Variants in IBTK observed in about 807,000 individuals in gnomAD.
IBTK encodes the protein inhibitor of Bruton tyrosine kinase.
In IBTK, 83 loss-of-function variants were observed where a neutral mutation model predicts 154.9. That is an observed-to-expected ratio of 0.54 (90% CI 0.45 to 0.64). IBTK has a LOEUF of 0.64. Ranked by LOEUF, IBTK falls within the 30% of genes least tolerant of loss-of-function variation. The pLI is 0.00. For synonymous variants in IBTK, 515 were observed against 536.1 expected (o/e 0.96, Z 0.54); for missense variants, 1,332 against 1,584.6 (o/e 0.84, Z 2.71).
At chr6:82,205,976 CTAAG>C (rs775878443) in intron 16 of IBTK, 4 of 152,006 alleles carry the variant, frequency 2.6e-5, no homozygotes, top group Non-Finnish European at 4.4e-5. Flanking sequence ...GAATGACAGA[CTAAG>C]AGCTTCTAAT....
At chr6:82,201,363 AATATACTGCT>A in intron 19 of IBTK, 49 bp downstream of exon 19, 1 of 1,210,298 alleles carries the variant, frequency 8.3e-7, no homozygotes, top group Non-Finnish European at 1.2e-6. Flanking sequence ...AGTCTGATCT[AATATACTGCT>A]TAAGCTGGTA....
intron 26 of IBTK, among the ~76,000 whole-genome samples, chr6:82,180,003 T>TAGGCAGGGGCTAATTTGTTCACC (rs1768258487): frequency 7.0e-6 from 1 of 143,334 alleles, no homozygotes; most frequent in Non-Finnish European, 1.5e-5. Flanking sequence ...GATAGTTCTA[T>TAGGCAGGGGCTAATTTGTTCACC]ATAGGCAGGG....
At chr6:82,205,676 G>A (rs932124698) in intron 16 of IBTK, 14 of 152,312 alleles carry the variant, frequency 9.2e-5, no homozygotes, top group African/African-American at 3.1e-4. Flanking sequence ...TGAGGCACGA[G>A]AATTGCTTGA....
intron 22 of IBTK, 41 bp downstream of exon 22, chr6:82,196,257 T>C (rs779474996): frequency 6.9e-7 from 1 of 1,459,488 alleles, no homozygotes; most frequent in Non-Finnish European, 9.2e-7. Flanking sequence ...TCTATAAATC[T>C]AAAATCTGAA....
chr6:82,241,970 C>T (rs1325135364), intron 1 of IBTK, among the ~76,000 whole-genome samples: 1 of 152,226 alleles, frequency 6.6e-6, no homozygotes, highest in Non-Finnish European at 1.5e-5. Flanking sequence ...TGAGATCTAA[C>T]TAGTTTTCTG....
intron 25 of IBTK, among the ~76,000 whole-genome samples, chr6:82,187,360 G>A (rs1028457503): frequency 1.3e-5 from 2 of 152,002 alleles, no homozygotes; most frequent in Admixed American, 1.3e-4. Flanking sequence ...CTTCAATGTG[G>A]CACTCTAAGC....
intron 16 of IBTK, chr6:82,205,825 CCT>C (rs2127810160): frequency 6.6e-6 from 1 of 151,738 alleles, no homozygotes; most frequent in Non-Finnish European, 1.5e-5. Context: ...GCTTTTTGCC[CCT>C]GAGCCACTGC....
chr6:82,231,398 G>A (rs775621545), intron 4 of IBTK, among the ~76,000 whole-genome samples: 58 of 151,874 alleles, frequency 3.8e-4, no homozygotes, highest in Non-Finnish European at 6.3e-4. Flanking sequence ...TTACAGAATT[G>A]TAATGTTTGT....
At chr6:82,217,064 A>G (rs995652967) in intron 10 of IBTK, among the ~76,000 whole-genome samples, 13 of 152,158 alleles carry the variant, frequency 8.5e-5, no homozygotes, top group Admixed American at 3.9e-4. Flanking sequence ...AAAAAAGTGG[A>G]AAGATATAAG....
intron 20 of IBTK, 123 bp downstream of exon 20, chr6:82,200,464 C>T (rs9986528): frequency 2.1e-6 from 2 of 962,930 alleles, no homozygotes; most frequent in South Asian, 1.8e-5. Context: ...GTCAGAATTT[C>T]TCAATTTCAT....
chr6:82,223,033 G>C (rs1770156683), intron 8 of IBTK, among the ~76,000 whole-genome samples: 1 of 151,700 alleles, frequency 6.6e-6, no homozygotes, highest in Admixed American at 6.6e-5. Context: ...ACTAAGCCTG[G>C]TTAGAGGGCT....
chr6:82,208,394 G>C (rs1769494203), intron 16 of IBTK, among the ~76,000 whole-genome samples: 1 of 152,050 alleles, frequency 6.6e-6, no homozygotes, highest in African/African-American at 2.4e-5. Context: ...TAATCATCAT[G>C]ACCTTGGATT....
chr6:82,174,706 G>A (rs1250000061), intron 26 of IBTK, among the ~76,000 whole-genome samples: 1 of 152,110 alleles, frequency 6.6e-6, no homozygotes, highest in African/African-American at 2.4e-5. Flanking sequence ...TACTTCATGT[G>A]TATTATCCCA....
At chr6:82,220,017 CTGGCTAACA>C (rs1770035618) in intron 9 of IBTK, among the ~76,000 whole-genome samples, 1 of 151,970 alleles carries the variant, frequency 6.6e-6, no homozygotes, top group Admixed American at 6.6e-5. Flanking sequence ...TGAGACCAGC[CTGGCTAACA>C]TGGCGAAACC....
intron 4 of IBTK, among the ~76,000 whole-genome samples, chr6:82,227,959 T>C (rs1027089057): frequency 6.6e-6 from 1 of 151,974 alleles, no homozygotes; most frequent in Non-Finnish European, 1.5e-5. Flanking sequence ...AGACTTACTA[T>C]TCACATACTA....
intron 9 of IBTK, 38 bp downstream of exon 9, chr6:82,220,552 G>A (rs1008173242): frequency 4.2e-5 from 66 of 1,558,948 alleles, no homozygotes; most frequent in Non-Finnish European, 5.3e-5. Flanking sequence ...GCTATCAACT[G>A]AGAGTAAGAT....
At chr6:82,238,284 T>A (rs1290464896) in intron 2 of IBTK, among the ~76,000 whole-genome samples, 2 of 152,070 alleles carry the variant, frequency 1.3e-5, no homozygotes, top group African/African-American at 4.8e-5. Context: ...ATAAAATTGT[T>A]AAATTTAAAA....
chr6:82,200,467 A>T, intron 20 of IBTK, 120 bp downstream of exon 20: 1 of 979,150 alleles, frequency 1.0e-6, no homozygotes, highest in Non-Finnish European at 1.5e-6. Flanking sequence ...AGAATTTCTC[A>T]ATTTCATCTT....
intron 8 of IBTK, 65 bp downstream of exon 8, chr6:82,223,374 TC>T: frequency 7.7e-7 from 1 of 1,294,566 alleles, no homozygotes; most frequent in Non-Finnish European, 1.1e-6. Context: ...AAGCTAACAC[TC>T]AGATATTTGC....
Sources: gnomAD v4.1 joint callset for allele counts (sites outside exome capture counted in the v4.1 genomes callset) on GRCh38, gnomAD v4.1.1 for gene constraint, MANE v1.5 for transcripts, NCBI Gene and HGNC (gene_info 2026-07-23, HGNC 2026-07-21) for gene names.